The following KCTD3 variants were observed in gnomAD, a reference collection of about 807,000 sequenced individuals.
KCTD3 encodes BTB/POZ domain-containing protein KCTD3.
KCTD3 carries 41 observed loss-of-function variants against 85.8 expected under a neutral mutation model. The observed-to-expected ratio is 0.48, with a 90% CI of 0.37 to 0.62. KCTD3 has a LOEUF of 0.62. KCTD3 is among the 20% of genes least tolerant of loss of function. KCTD3 has a pLI of 0.00. For missense variants in KCTD3, 724 were observed against 989.9 expected, an observed-to-expected ratio of 0.73 and a Z score of 3.60; for synonymous variants, 338 against 345.4, an observed-to-expected ratio of 0.98 and a Z score of 0.24.
Position 215,602,131 on chromosome 1 carries a change from A to G in KCTD3, c.1068A>G (p.Val356=). The G allele has an allele frequency of 6.2e-7, 1 of 1,611,496 alleles. No homozygotes were observed. Among genetic ancestry groups the G allele is most frequent in the Non-Finnish European group, 8.5e-7 (1 of 1,178,402 alleles). Reference sequence around the variant, plus strand: ...GAATGAAAGATAATGATCTTCTTGTAACTGAACTGTATCATGATCCTTCAA... The same window carrying G: ...GAATGAAAGATAATGATCTTCTTGTGACTGAACTGTATCATGATCCTTCAA... ...PLRMKDNDLL[V]TELYHDPSND... The change falls in exon 12 of 18, where the codon GTA becomes GTG. Residue 356 remains valine, a synonymous_variant. Transcript: ENST00000259154.
At chr1:215,576,599 C>CT (rs533943671) in intron 4 of KCTD3, among the ~76,000 whole-genome samples, 61 of 144,844 alleles carry the variant, frequency 4.2e-4, no homozygotes, top group East Asian at 8.0e-4. Flanking sequence ...AAGTTTGAAG[C>CT]TTTTTTTTTT....
At chr1:215,618,837 T>C (rs911663965) in intron 15 of KCTD3, 49 bp from the exon 16 acceptor site, 2 of 1,368,544 alleles carry the variant, frequency 1.5e-6, no homozygotes. Flanking sequence ...AGCTTCTTTT[T>C]AAATAATTGC....
At chr1:215,607,904 T>C (rs1655094680) in intron 13 of KCTD3, 113 bp from the exon 14 acceptor site, 3 of 684,156 alleles carry the variant, frequency 4.4e-6, no homozygotes, top group Non-Finnish European at 6.6e-6. Flanking sequence ...TTAAGATAAA[T>C]ATGTCATTTG....
intron 3 of KCTD3, among the ~76,000 whole-genome samples, chr1:215,575,373 C>T (rs1264365795): frequency 6.6e-6 from 1 of 151,992 alleles, no homozygotes; most frequent in African/African-American, 2.4e-5. Flanking sequence ...TACCTTTCCC[C>T]AGCTCTGAAG....
chr1:215,615,575 G>A (rs1021573563), intron 15 of KCTD3, among the ~76,000 whole-genome samples: 4 of 151,244 alleles, frequency 2.6e-5, no homozygotes, highest in African/African-American at 7.3e-5. Flanking sequence ...AGCTGAGATC[G>A]CGCCACTGCA....
intron 1 of KCTD3, among the ~76,000 whole-genome samples, chr1:215,571,756 G>T (rs899156606): frequency 1.5e-4 from 22 of 151,642 alleles, no homozygotes; most frequent in African/African-American, 5.3e-4. Flanking sequence ...TCAGCCTCCT[G>T]AGTAAGCTGG....
At chr1:215,618,392 AT>A (rs370026945) in intron 15 of KCTD3, 36 of 161,994 alleles carry the variant, frequency 2.2e-4, no homozygotes, top group South Asian at 8.3e-4. Context: ...TGTGGATTGT[AT>A]TTTTTTTTGT....
chr1:215,616,305 A>G (rs1655447013), intron 15 of KCTD3, among the ~76,000 whole-genome samples: 1 of 152,316 alleles, frequency 6.6e-6, no homozygotes, highest in Admixed American at 6.5e-5. Context: ...AATAAATGTA[A>G]TTCACTAAAT....
At chr1:215,579,368 G>A (rs1558230342) in intron 7 of KCTD3, among the ~76,000 whole-genome samples, 1 of 152,144 alleles carries the variant, frequency 6.6e-6, no homozygotes, top group South Asian at 2.1e-4. Context: ...TCTGGTAAGA[G>A]CCAGAGATTA....
chr1:215,578,445 T>C (rs1571874007), intron 6 of KCTD3, among the ~76,000 whole-genome samples: 1 of 152,176 alleles, frequency 6.6e-6, no homozygotes, highest in Non-Finnish European at 1.5e-5. Flanking sequence ...CTGACCCATA[T>C]GTTAGAGCAC....
chr1:215,618,214 G>T, intron 15 of KCTD3: 1 of 431,852 alleles, frequency 2.3e-6, no homozygotes. Context: ...AAATACTTTG[G>T]TTTGTTTATT....
chr1:215,587,419 A>G (rs377417146), intron 9 of KCTD3, among the ~76,000 whole-genome samples: 60 of 152,262 alleles, frequency 3.9e-4, no homozygotes, highest in African/African-American at 1.4e-3. Context: ...GTGAGCCACC[A>G]TGCCCGGCCT....
At chr1:215,618,712 A>G (rs1655550353) in intron 15 of KCTD3, 174 bp from the exon 16 acceptor site, 3 of 575,736 alleles carry the variant, frequency 5.2e-6, no homozygotes, top group Middle Eastern at 4.6e-4. Flanking sequence ...ATAGAGCTGT[A>G]TATTTTTTCT....
At chr1:215,573,755 A>T (rs1470090257) in intron 1 of KCTD3, 31 bp from the exon 2 acceptor site, 1 of 1,335,572 alleles carries the variant, frequency 7.5e-7, no homozygotes, top group South Asian at 1.3e-5. Context: ...TCATGTTCTC[A>T]CTTATAATAC....
chr1:215,612,775 A>C (rs1383969813), intron 15 of KCTD3, among the ~76,000 whole-genome samples: 1 of 152,216 alleles, frequency 6.6e-6, no homozygotes, highest in Admixed American at 6.5e-5. Context: ...AAAATGAAAT[A>C]TCTCTCATAG....
chr1:215,577,769 A>T, intron 5 of KCTD3, 41 bp downstream of exon 5: 1 of 1,443,920 alleles, frequency 6.9e-7, no homozygotes, highest in Non-Finnish European at 9.8e-7. Context: ...GATTTGACTC[A>T]TGTATGAAAG....
intron 3 of KCTD3, among the ~76,000 whole-genome samples, chr1:215,574,560 A>G (rs1659499703): frequency 6.6e-6 from 1 of 152,184 alleles, no homozygotes; most frequent in Non-Finnish European, 1.5e-5. Context: ...AAAGAATTGT[A>G]AAGTTTCAGT....
intron 13 of KCTD3, among the ~76,000 whole-genome samples, chr1:215,604,823 G>T (rs1654953313): frequency 6.6e-6 from 1 of 151,420 alleles, no homozygotes; most frequent in African/African-American, 2.4e-5. Context: ...TGTGTATTTT[G>T]ATATTTTGTC....
intron 1 of KCTD3, among the ~76,000 whole-genome samples, chr1:215,572,988 A>G (rs948913311): frequency 9.9e-5 from 15 of 152,214 alleles, no homozygotes; most frequent in African/African-American, 3.4e-4. Flanking sequence ...TTTGTTTGCC[A>G]TATCAGTTTA....
Sources: gnomAD v4.1 joint callset for allele counts (sites outside exome capture counted in the v4.1 genomes callset) on GRCh38, gnomAD v4.1.1 for gene constraint, MANE v1.5 for transcripts, NCBI Gene and HGNC (gene_info 2026-07-23, HGNC 2026-07-21) for gene names.